Variants in SAMD4B observed in about 807,000 individuals in gnomAD.
SAMD4B encodes sterile alpha motif domain containing 4B, also known as protein Smaug homolog 2.
SAMD4B carries 5 observed loss-of-function variants against 74.5 expected under a neutral mutation model. That is an observed-to-expected ratio of 0.07 (90% CI 0.04 to 0.14). The LOEUF is 0.14. Among genes scored for constraint, SAMD4B ranks in the 10% least tolerant of loss-of-function variants. The probability of loss-of-function intolerance (pLI) is 1.00; values close to 1 mark genes in which losing one functional copy is unlikely to be tolerated. For missense variants in SAMD4B, 608 were observed against 921.8 expected, an observed-to-expected ratio of 0.66 and a Z score of 4.41; for synonymous variants, 373 against 374.9, an observed-to-expected ratio of 1.00 and a Z score of 0.06.
At chr19:39,372,624 C>T (rs1427578539) in intron 4 of SAMD4B, among the ~76,000 whole-genome samples, 2 of 152,134 alleles carry the variant, frequency 1.3e-5, no homozygotes, top group Non-Finnish European at 2.9e-5. Context: ...CTCTGGCCGG[C>T]ATTCTTGTTT....
Position 39,383,305 on chromosome 19 carries a change from C to T in SAMD4B, c.2056+14C>T, listed in dbSNP as rs199582070. ...ACGCCTTGGGTGGTGAGCATTTCCT[C>T]TTTCCCTGACCCAGCTCCCACCTAC... is the stretch of plus-strand genomic sequence containing the variant. On this transcript the variant is annotated intron_variant, in intron 13 of 13. Coordinates refer to ENST00000610417, the MANE Select transcript of SAMD4B (RefSeq NM_001384574.2). The surrounding 1 kb of genome is among the most constrained non-coding windows in gnomAD (Gnocchi z 4.1). 1.2e-6 allele frequency: 2 copies of T among 1,613,214 alleles called. No homozygotes were observed. Among genetic ancestry groups the T allele is most frequent in the East Asian group, 2.2e-5 (1 of 44,874 alleles).
At chr19:39,389,149 CTT>C, downstream of SAMD4B, 1 of 1,614,160 alleles carries the variant, frequency 6.2e-7, no homozygotes, top group South Asian at 1.1e-5. The surrounding 1 kb of genome is among the most constrained non-coding windows in gnomAD (Gnocchi z 5.3). Context: ...CTATCCCTGT[CTT>C]TGTATATTTC....
At chr19:39,388,845 A>ATT, downstream of SAMD4B, 4 of 1,614,140 alleles carry the variant, frequency 2.5e-6, no homozygotes, top group Non-Finnish European at 1.7e-6. Context: ...AGATCACCTG[A>ATT]GCACATGGAT....
intron 2 of SAMD4B, among the ~76,000 whole-genome samples, chr19:39,355,207 A>G (rs79709622): frequency 1.1e-3 from 165 of 152,324 alleles, no homozygotes; most frequent in African/African-American, 3.8e-3. Flanking sequence ...ATGGGAAGTC[A>G]TTGGAGAATT....
At position 39,375,788 on chromosome 19, in the gene SAMD4B, C is replaced by T. The variant is rs1350485786; in HGVS notation, c.806C>T (p.Pro269Leu). The T allele has an allele frequency of 1.2e-6, 2 of 1,614,126 alleles. No homozygotes were observed. Among genetic ancestry groups the T allele is most frequent in the Non-Finnish European group, 1.7e-6 (2 of 1,180,038 alleles). Residue 269 changes from proline to leucine, a missense_variant, in exon 5 of 14, where the codon CCT becomes CTT. Pro to Leu is a moderately conservative substitution (Grantham distance 98, BLOSUM62 -3). Around this residue, in one of 9 missense-constraint regions of SAMD4B, gnomAD observed 31 missense variants for 43.4 expected, o/e 0.71. Coordinates refer to ENST00000610417, the MANE Select transcript of SAMD4B (RefSeq NM_001384574.2). This position sits in a 1 kb window ranked among gnomAD's most constrained non-coding sequence, Gnocchi z 4.1. ...RAAFTTPDHA[P>L]LSPQSSVASS... Reference sequence around the variant, plus strand: ...GCTTTTACCACGCCCGATCACGCACCTCTCTCGCCCCAGAGCAGCGTGGCC... The same window carrying T: ...GCTTTTACCACGCCCGATCACGCACTTCTCTCGCCCCAGAGCAGCGTGGCC...
At chr19:39,347,396 T>G (rs1054875408) in intron 1 of SAMD4B, among the ~76,000 whole-genome samples, 7 of 152,214 alleles carry the variant, frequency 4.6e-5, no homozygotes, top group African/African-American at 1.7e-4. Context: ...TGCAACTCAG[T>G]CTCTGGCTTG....
chr19:39,362,096 G>A (rs767342361), intron 3 of SAMD4B, among the ~76,000 whole-genome samples: 3 of 152,174 alleles, frequency 2.0e-5, no homozygotes, highest in Non-Finnish European at 4.4e-5. Context: ...CCTTGGGTGT[G>A]GGTCAGAGCT....
At chr19:39,364,158 C>T (rs1047149295) in intron 3 of SAMD4B, among the ~76,000 whole-genome samples, 1 of 152,216 alleles carries the variant, frequency 6.6e-6, no homozygotes, top group African/African-American at 2.4e-5. Flanking sequence ...TGAGCCCAAC[C>T]CTTGGGGCTG....
Position 39,383,094 on chromosome 19 carries a change from C to CT in SAMD4B, c.1973-113dup. On this transcript the variant is annotated intron_variant, in intron 12 of 13. Transcript: ENST00000610417. This position sits in a 1 kb window ranked among gnomAD's most constrained non-coding sequence, Gnocchi z 4.1. ...TGTCCACCTCCTCCCGTTCTTCCCT[C>CT]TCCCCCTCCATCTCTCTTGCTCCCT... 2.4e-6 allele frequency: 2 copies of CT among 839,812 alleles called. No homozygotes were observed. The highest frequency in any genetic ancestry group is 4.2e-6 in the Non-Finnish European group (2 of 481,644). 52.0% of individuals were successfully genotyped at this position (839,812 alleles called of 1,614,324 possible).
At chr19:39,349,208 A>C (rs562627443) in intron 1 of SAMD4B, among the ~76,000 whole-genome samples, 92 of 152,368 alleles carry the variant, frequency 6.0e-4, no homozygotes, top group Non-Finnish European at 1.2e-3. Flanking sequence ...AAATGGAAGA[A>C]GTCAAAGATG....
chr19:39,387,116 C>T, downstream of SAMD4B: 1 of 469,036 alleles, frequency 2.1e-6, no homozygotes, highest in Non-Finnish European at 4.0e-6. Flanking sequence ...GAACATCATA[C>T]AGTACTCTTA....
intron 1 of SAMD4B, among the ~76,000 whole-genome samples, chr19:39,353,492 C>CT (rs920963511): frequency 4.0e-5 from 6 of 151,646 alleles, no homozygotes; most frequent in South Asian, 2.1e-4. Context: ...TTGTATGTGG[C>CT]TTTTTTTTAA....
At chr19:39,366,844 A>G (rs894648350) in intron 3 of SAMD4B, among the ~76,000 whole-genome samples, 3 of 152,134 alleles carry the variant, frequency 2.0e-5, no homozygotes, top group Non-Finnish European at 4.4e-5. Flanking sequence ...AAAGACCCTC[A>G]GATGTCTAGG....
At chr19:39,373,735 G>A (rs1056491228) in intron 4 of SAMD4B, among the ~76,000 whole-genome samples, 3 of 152,138 alleles carry the variant, frequency 2.0e-5, no homozygotes, top group African/African-American at 7.2e-5. Flanking sequence ...GCCAAGGCAG[G>A]CGGATCACCT....
chr19:39,370,101 A>G lies in SAMD4B; in HGVS notation c.643A>G (p.Ser215Gly), dbSNP rs760566542. 3 of 1,598,784 alleles carry G rather than the reference A, an allele frequency of 1.9e-6. No individual in the cohort carries two copies. The Admixed American group carries it at 5.2e-5, about 28-fold the overall frequency. The change falls in exon 4 of 14, where the codon AGT becomes GGT. Residue 215 changes from serine (S) to glycine (G), a missense_variant. By Grantham distance (56) the Ser-to-Gly change is moderately conservative. This residue lies in a region of SAMD4B where 153 missense variants were observed against 153.0 expected (regional missense o/e 1.00). Transcript: ENST00000610417. ...PSSSVPPAIN[S>G]IGSNANTGLP... ...CAGCTCAGTGCCGCCAGCCATCAACAGTATTGGGAGCAATGCAAACACAGG... is the reference window on the plus strand; with the variant it reads ...CAGCTCAGTGCCGCCAGCCATCAACGGTATTGGGAGCAATGCAAACACAGG...
rs774597687 is a variant in SAMD4B, at chr19:39,370,059, G to A, written c.601G>A (p.Val201Met). 6.2e-6 allele frequency: 10 copies of A among 1,611,706 alleles called. No individual in the cohort carries two copies. The East Asian group carries it at 6.7e-5, about 11-fold the overall frequency. ...QDKPPRENGHVPFHPSSSVPP... is the reference protein window; with the variant it reads ...QDKPPRENGHMPFHPSSSVPP... ...CAAGCCACCCCGGGAAAATGGACAC[G>A]TGCCCTTCCACCCATCCAGCTCAGT... is the stretch of plus-strand genomic sequence containing the variant. The change falls in exon 4 of 14, where the codon GTG (valine) becomes ATG (methionine). Residue 201 changes from valine to methionine, a missense_variant. By Grantham distance (21) the Val-to-Met change is conservative (BLOSUM62 1). This residue lies in a region of SAMD4B where 153 missense variants were observed against 153.0 expected (regional missense o/e 1.00). Coordinates refer to ENST00000610417, the MANE Select transcript of SAMD4B (RefSeq NM_001384574.2).
At chr19:39,343,325 C>T in intron 1 of SAMD4B, among the ~76,000 whole-genome samples, 1 of 150,818 alleles carries the variant, frequency 6.6e-6, no homozygotes, top group Non-Finnish European at 1.5e-5. Flanking sequence ...CTGATTCCCC[C>T]TCCCAGAAGT....
At chr19:39,385,767 G>C (rs1248171864), downstream of SAMD4B, 1 of 631,316 alleles carries the variant, frequency 1.6e-6, no homozygotes, top group African/African-American at 1.8e-5. Context: ...GTGTTTCTAA[G>C]CCTCAAGCCA....
chr19:39,343,989 C>CG (rs1379461009), intron 1 of SAMD4B, among the ~76,000 whole-genome samples: 1 of 82,602 alleles, frequency 1.2e-5, no homozygotes, highest in African/African-American at 3.8e-5. Flanking sequence ...AGGACCCCCC[C>CG]CCCCCACACA....
Sources: gnomAD v4.1 joint callset for allele counts (sites outside exome capture counted in the v4.1 genomes callset) on GRCh38, gnomAD v4.1.1 for gene constraint, gnomAD v4.1.1 regional missense constraint, Gnocchi (gnomAD v3.1) non-coding constraint, MANE v1.5 for transcripts, NCBI Gene and HGNC (gene_info 2026-07-23, HGNC 2026-07-21) for gene names.